The following GRID1 variants were observed in gnomAD, a reference collection of about 807,000 sequenced individuals.
GRID1 encodes glutamate receptor ionotropic, delta-1.
A neutral mutation model predicts 98.0 loss-of-function variants in GRID1; 28 were observed. That is an observed-to-expected ratio of 0.29 (90% confidence interval 0.21 to 0.39). GRID1 has a LOEUF of 0.39. Among genes scored for constraint, GRID1 ranks in the 10% least tolerant of loss-of-function variants. The probability of loss-of-function intolerance (pLI) is 1.00; values close to 1 mark genes in which losing one functional copy is unlikely to be tolerated. For missense variants in GRID1, 1,111 were observed against 1,340.5 expected, an observed-to-expected ratio of 0.83 and a Z score of 2.67; for synonymous variants, 553 against 538.5, an observed-to-expected ratio of 1.03 and a Z score of -0.37.
intron 10 of GRID1, among the ~76,000 whole-genome samples, chr10:85,724,952 T>A (rs1258173774): frequency 6.6e-6 from 1 of 152,236 alleles, no homozygotes; most frequent in Non-Finnish European, 1.5e-5. Flanking sequence ...CTCTACGAAT[T>A]ATAGTTTATC....
chr10:85,625,375 T>C (rs919041598), intron 13 of GRID1, among the ~76,000 whole-genome samples: 5 of 152,232 alleles, frequency 3.3e-5, no homozygotes, highest in African/African-American at 1.2e-4. Flanking sequence ...ACCCAAGCAC[T>C]TGGGAAAATC....
intron 12 of GRID1, among the ~76,000 whole-genome samples, chr10:85,669,745 C>A (rs1841064155): frequency 6.6e-6 from 1 of 152,190 alleles, no homozygotes; most frequent in Admixed American, 6.5e-5. Flanking sequence ...CTGTGTCCTG[C>A]TCCAACTGGA....
At chr10:85,770,193 C>T (rs188525716) in intron 8 of GRID1, among the ~76,000 whole-genome samples, 1 of 152,152 alleles carries the variant, frequency 6.6e-6, no homozygotes. Flanking sequence ...CTGCAGCCAC[C>T]GCTGCTGGTA....
chr10:85,817,404 T>C (rs1842725319), intron 8 of GRID1, among the ~76,000 whole-genome samples: 1 of 152,034 alleles, frequency 6.6e-6, no homozygotes, highest in African/African-American at 2.4e-5. Flanking sequence ...CATGTCCCTA[T>C]GGTCCCAGCT....
chr10:86,019,230 C>A (rs1589338890), intron 4 of GRID1, among the ~76,000 whole-genome samples: 1 of 152,242 alleles, frequency 6.6e-6, no homozygotes, highest in African/African-American at 2.4e-5. Context: ...GCCTATGGAC[C>A]CCTGCACACC....
At chr10:85,713,798 A>T (rs1841607887) in intron 12 of GRID1, among the ~76,000 whole-genome samples, 1 of 151,960 alleles carries the variant, frequency 6.6e-6, no homozygotes, top group Non-Finnish European at 1.5e-5. Context: ...GAGAAAATTT[A>T]ACATCTTTCA....
intron 3 of GRID1, among the ~76,000 whole-genome samples, chr10:86,188,862 T>C (rs964174885): frequency 1.3e-5 from 2 of 152,148 alleles, no homozygotes; most frequent in East Asian, 3.9e-4. Context: ...GTGGTCCAAC[T>C]AGACAAGTGG....
At chr10:86,126,475 G>A (rs1294621220) in intron 4 of GRID1, among the ~76,000 whole-genome samples, 1 of 152,052 alleles carries the variant, frequency 6.6e-6, no homozygotes, top group African/African-American at 2.4e-5. Flanking sequence ...AAAAGAAAAA[G>A]AAAAGAAATA....
chr10:85,758,646 A>G (rs533823534), intron 8 of GRID1, among the ~76,000 whole-genome samples: 6 of 152,366 alleles, frequency 3.9e-5, no homozygotes, highest in Admixed American at 3.9e-4. Flanking sequence ...AAGCAGGTAT[A>G]GCCCTGCCCA....
rs113890372 is a variant in GRID1 at position 85,842,325 on chromosome 10, G to A, written c.1233+12171C>T. Among the ~76,000 whole-genome samples, 675 of 152,170 alleles carry A rather than the reference G, an allele frequency of 4.4e-3. 2 individuals are homozygous for A. The highest frequency in any genetic ancestry group is 0.015 in the African/African-American group (628 of 41,536). On this transcript the variant is annotated intron_variant, in intron 8 of 15. Coordinates refer to ENST00000327946, the MANE Select transcript of GRID1 (RefSeq NM_017551.3). ...ACACTGAGGCCTATTGGAGAGCAGA[G>A]GATGGGATGAGGGAGAAGAGCAGAA...
intron 5 of GRID1, among the ~76,000 whole-genome samples, chr10:85,895,016 A>AAAAAAATATATAT (rs766551035): frequency 6.2e-5 from 6 of 97,106 alleles, no homozygotes; most frequent in Non-Finnish European, 1.2e-4. Flanking sequence ...AAAAAAAAAA[A>AAAAAAATATATAT]ATATATATAT....
chr10:85,888,608 C>T (rs181276294), intron 5 of GRID1, among the ~76,000 whole-genome samples: 1 of 152,202 alleles, frequency 6.6e-6, no homozygotes, highest in Non-Finnish European at 1.5e-5. Context: ...GACAGTGACT[C>T]GAGCTCCTCT....
chr10:85,636,152 A>G (rs1843038202), intron 13 of GRID1, among the ~76,000 whole-genome samples: 1 of 152,218 alleles, frequency 6.6e-6, no homozygotes, highest in Non-Finnish European at 1.5e-5. Context: ...CCAAACATTG[A>G]CATAAGGCCC....
chr10:86,104,382 A>T (rs1351325883), intron 4 of GRID1, among the ~76,000 whole-genome samples: 1 of 151,900 alleles, frequency 6.6e-6, no homozygotes, highest in Non-Finnish European at 1.5e-5. Flanking sequence ...GGCATCCCAC[A>T]CCTGTTTCCT....
At chr10:85,746,670 TCA>T (rs1289118159) in intron 8 of GRID1, among the ~76,000 whole-genome samples, 1 of 152,076 alleles carries the variant, frequency 6.6e-6, no homozygotes, top group Non-Finnish European at 1.5e-5. Flanking sequence ...CCAGATGATC[TCA>T]GTCTTTCAGT....
intron 2 of GRID1, among the ~76,000 whole-genome samples, chr10:86,286,845 T>C (rs961876846): frequency 5.3e-5 from 8 of 152,154 alleles, no homozygotes; most frequent in African/African-American, 1.9e-4. Flanking sequence ...TCAGCACCCA[T>C]GCAGAAAACC....
chr10:86,024,576 C>T (rs757836154), intron 4 of GRID1, among the ~76,000 whole-genome samples: 16 of 152,174 alleles, frequency 1.1e-4, no homozygotes, highest in Non-Finnish European at 1.8e-4. Context: ...TGGATGGTGC[C>T]GGGGCTCCAT....
intron 8 of GRID1, among the ~76,000 whole-genome samples, chr10:85,833,867 T>C (rs1470080544): frequency 2.0e-5 from 3 of 152,020 alleles, no homozygotes; most frequent in Non-Finnish European, 2.9e-5. Flanking sequence ...AATCATAGTG[T>C]TTAGATAATA....
chr10:85,940,954 G>C (rs1016814241), intron 4 of GRID1, among the ~76,000 whole-genome samples: 1 of 152,226 alleles, frequency 6.6e-6, no homozygotes, highest in Admixed American at 6.5e-5. Context: ...TATAAACCAA[G>C]ACTGACTACC....
Sources: gnomAD v4.1 joint callset for allele counts (sites outside exome capture counted in the v4.1 genomes callset) on GRCh38, gnomAD v4.1.1 for gene constraint, MANE v1.5 for transcripts, NCBI Gene and HGNC (gene_info 2026-07-23, HGNC 2026-07-21) for gene names.